Variants in AIPL1 observed in about 807,000 individuals in gnomAD.
AIPL1 encodes aryl-hydrocarbon-interacting protein-like 1.
AIPL1 carries 23 observed loss-of-function variants against 32.9 expected under a neutral mutation model. The ratio of observed to expected loss-of-function variants is 0.70; its 90% CI spans 0.50 to 0.99. The LOEUF is 0.99. Among genes scored for constraint, AIPL1 ranks in the 50% least tolerant of loss-of-function variants. AIPL1 has a pLI of 0.00. For missense variants in AIPL1, 485 were observed against 506.0 expected, an observed-to-expected ratio of 0.96 and a Z score of 0.40; for synonymous variants, 210 against 209.4, an observed-to-expected ratio of 1.00 and a Z score of -0.02.
In AIPL1 at chr17:6,425,580, C is replaced by T; in HGVS notation, c.1035G>A (p.Gln345=). The T allele has an allele frequency of 6.2e-7, 1 of 1,613,388 alleles. No homozygotes were observed. The highest frequency in any genetic ancestry group is 8.5e-7 in the Non-Finnish European group (1 of 1,179,784). The part of the protein sequence containing the change: ...PAEPPTEPPA[Q]SSTEPPAEPP... ...GCTCTGCAGGTGGCTCTGTGGATGA[C>T]TGTGCGGGTGGCTCTGTGGGTGGCT... The change falls in exon 6 of 6, where the codon CAG becomes CAA. Residue 345 remains glutamine, a synonymous_variant. Coordinates refer to ENST00000381129, the MANE Select transcript of AIPL1 (RefSeq NM_014336.5).
In AIPL1 at chr17:6,424,249, A is replaced by AC. The variant is rs1215535482; in HGVS notation, c.*1210dup. On this transcript the variant is annotated 3_prime_UTR_variant, in exon 6 of 6. Coordinates refer to ENST00000381129, the MANE Select transcript of AIPL1 (RefSeq NM_014336.5). ...TGGAAGCGGCTTTCCCTAAGGCATG[A>AC]CCCCCAGGGTGCCATGTCAGTTTAC... 1 of 152,040 alleles carries AC rather than the reference A, an allele frequency of 6.6e-6. No individual in the cohort carries two copies. The allele number at this position is 152,040 out of a possible 1,614,324, so 9.4% of individuals were successfully genotyped here.
intron 2 of AIPL1, among the ~76,000 whole-genome samples, chr17:6,431,075 C>A (rs559206506): frequency 6.6e-6 from 1 of 152,336 alleles, no homozygotes; most frequent in South Asian, 2.1e-4. Flanking sequence ...TTTCCCTTAA[C>A]TTGTCTGAGC....
rs1261950096 is a variant in AIPL1, at chr17:6,433,897, C to T, written c.276+22G>A. The T allele has an allele frequency of 3.1e-6, 5 of 1,611,440 alleles. No homozygotes were observed. The South Asian group carries it at 3.3e-5, about 11-fold the overall frequency. On this transcript the variant is annotated intron_variant, in intron 2 of 5. Coordinates refer to ENST00000381129, the MANE Select transcript of AIPL1 (RefSeq NM_014336.5). The stretch of plus-strand genomic sequence containing the variant: ...CCCAGAAAAGACTAGTCCCAGGAGA[C>T]AGGCGCGCAGGGCCTACTTACGATG...
At chr17:6,426,306 T>C (rs1911945853) in intron 5 of AIPL1, 3 of 1,361,774 alleles carry the variant, frequency 2.2e-6, no homozygotes, top group African/African-American at 1.5e-5. Flanking sequence ...ACCGACATCA[T>C]AATATTTTTC....
At chr17:6,430,112 G>C (rs1912441912) in intron 2 of AIPL1, among the ~76,000 whole-genome samples, 1 of 150,786 alleles carries the variant, frequency 6.6e-6, no homozygotes, top group African/African-American at 2.4e-5. Context: ...CACAATCACG[G>C]CAGCCATGGG....
intron 1 of AIPL1, 128 bp downstream of exon 1, chr17:6,434,881 C>T (rs957279918): frequency 1.3e-6 from 2 of 1,509,312 alleles, no homozygotes; most frequent in Non-Finnish European, 8.9e-7. Flanking sequence ...TCCCCGGAGG[C>T]CCAGCGCTGG....
At chr17:6,429,735 G>T (rs1404947355) in intron 2 of AIPL1, among the ~76,000 whole-genome samples, 1 of 152,170 alleles carries the variant, frequency 6.6e-6, no homozygotes, top group Non-Finnish European at 1.5e-5. Flanking sequence ...TAGGGGCTTT[G>T]CCTGTTTCAC....
chr17:6,426,638 C>G lies in AIPL1; in HGVS notation c.761G>C (p.Ser254Thr). The change falls in exon 5 of 6, where the codon AGT (serine) becomes ACT (threonine). Residue 254 changes from serine (S) to threonine (T), a missense_variant. Coordinates refer to ENST00000381129, the MANE Select transcript of AIPL1 (RefSeq NM_014336.5). Reference sequence around the variant, plus strand: ...ACCTGGGTGGTGCCGGAGAATATCACTGGTGTGCTCCAGCACCTCATAGTA... The same window carrying G: ...ACCTGGGTGGTGCCGGAGAATATCAGTGGTGTGCTCCAGCACCTCATAGTA... ...EEYYEVLEHT[S>T]DILRHHPGIV... 3 of 1,614,156 alleles carry G rather than the reference C, an allele frequency of 1.9e-6. No individual in the cohort carries two copies. Among genetic ancestry groups the G allele is most frequent in the Non-Finnish European group, 2.5e-6 (3 of 1,180,024 alleles).
At chr17:6,432,307 C>A (rs1912676511) in intron 2 of AIPL1, among the ~76,000 whole-genome samples, 1 of 150,924 alleles carries the variant, frequency 6.6e-6, no homozygotes, top group African/African-American at 2.4e-5. Context: ...CCCGGGAGGC[C>A]AAGGTTGCAG....
rs1432802507 is a variant in AIPL1 at position 6,434,031 on chromosome 17, A to G, written c.164T>C (p.Val55Ala). Residue 55 changes from valine to alanine, a missense_variant, in exon 2 of 6, where the codon GTG becomes GCG. Coordinates refer to ENST00000381129, the MANE Select transcript of AIPL1 (RefSeq NM_014336.5). Reference sequence around the variant, plus strand: ...GATGATGATGTGCATGGGCTGGCCCACCTGCCGACTGTCGTCAATGACTGT... The same window carrying G: ...GATGATGATGTGCATGGGCTGGCCCGCCTGCCGACTGTCGTCAATGACTGT... ...ERTVIDDSRQ[V>A]GQPMHIIIGN... 6.2e-7 allele frequency: 1 copy of G among 1,614,036 alleles called. No individual in the cohort carries two copies.
chr17:6,427,794 A>G (rs1912139481), intron 3 of AIPL1, among the ~76,000 whole-genome samples: 1 of 149,260 alleles, frequency 6.7e-6, no homozygotes, highest in Admixed American at 6.9e-5. Context: ...ATTTTTAAAA[A>G]CTGGTTCCAA....
intron 5 of AIPL1, 150 bp from the exon 6 acceptor site, chr17:6,425,980 G>T: frequency 8.7e-7 from 1 of 1,152,250 alleles, no homozygotes; most frequent in Non-Finnish European, 1.2e-6. Flanking sequence ...TTCCTCAACT[G>T]TAAGATGGAG....
In AIPL1 at chr17:6,426,733, C is replaced by A; in HGVS notation, c.666G>T (p.Trp222Cys). Residue 222 changes from tryptophan (W) to cysteine (C), a missense_variant, in exon 5 of 6, where the codon TGG (tryptophan) becomes TGT (cysteine). Transcript: ENST00000381129. ...TATTGATCATCTTCTCCAGCTTCAGCCACTGCACCTCCCATGGCTTCTCCT... is the reference window on the plus strand; with the variant it reads ...TATTGATCATCTTCTCCAGCTTCAGACACTGCACCTCCCATGGCTTCTCCT... ...QTKEKPWEVQ[W>C]LKLEKMINTL... is the part of the protein sequence containing the mutation. 1.2e-6 allele frequency: 2 copies of A among 1,614,012 alleles called. No homozygotes were observed. The highest frequency in any genetic ancestry group is 1.7e-6 in the Non-Finnish European group (2 of 1,179,954).
At position 6,434,356 on chromosome 17, in the gene AIPL1, C is replaced by CTT. The variant is rs71381392; in HGVS notation, c.97-260_97-259dup. On this transcript the variant is annotated intron_variant, in intron 1 of 5. Coordinates refer to ENST00000381129, the MANE Select transcript of AIPL1 (RefSeq NM_014336.5). ...ATCCTTCCTCAAGTAAGCCCGAGTTCTTTTTTTTTTTTTTTTTTCTGAGAC... is the reference window on the plus strand; with the variant it reads ...ATCCTTCCTCAAGTAAGCCCGAGTTCTTTTTTTTTTTTTTTTTTTTCTGAGAC... Among the ~76,000 whole-genome samples the CTT allele has an allele frequency of 0.18, 18,717 of 104,882 alleles. 2,412 individuals carry two copies. Among genetic ancestry groups the CTT allele is most frequent in the East Asian group, 0.3 (969 of 3,240 alleles). 68.8% of individuals were successfully genotyped at this position (104,882 alleles called of 152,430 possible). A position where few individuals can be genotyped will look rare whatever the true frequency, so the allele number is the denominator to read the frequency against.
rs552445309 is a variant in AIPL1, at chr17:6,434,992, G to A, written c.96+17C>T. ...TGCTGTGGGGGACCCTGTCTGCTCCGGAGGGGCCCCACTCACTCGGGATCC... is the reference window on the plus strand; with the variant it reads ...TGCTGTGGGGGACCCTGTCTGCTCCAGAGGGGCCCCACTCACTCGGGATCC... On this transcript the variant is annotated intron_variant, in intron 1 of 5. Transcript: ENST00000381129. 4.3e-6 allele frequency: 7 copies of A among 1,614,106 alleles called. No individual in the cohort carries two copies. Among genetic ancestry groups the A allele is most frequent in the East Asian group, 2.2e-5 (1 of 44,868 alleles).
At chr17:6,428,797 C>T (rs1415113369) in intron 2 of AIPL1, among the ~76,000 whole-genome samples, 2 of 152,262 alleles carry the variant, frequency 1.3e-5, no homozygotes, top group Non-Finnish European at 2.9e-5. Context: ...GGAAATGACG[C>T]AGCCAGGATT....
rs1250626572 is a variant in AIPL1, at chr17:6,425,420, C to G, written c.*40G>C. 6.4e-7 allele frequency: 1 copy of G among 1,554,232 alleles called. No homozygotes were observed. ...TCAATCGAACCAGAAGTGACCAGGC[C>G]ACTTGCTCCCTGCCTGGGTGGCTGT... On this transcript the variant is annotated 3_prime_UTR_variant, in exon 6 of 6. Coordinates refer to ENST00000381129, the MANE Select transcript of AIPL1 (RefSeq NM_014336.5).
intron 2 of AIPL1, among the ~76,000 whole-genome samples, 190 bp from the exon 3 acceptor site, chr17:6,428,696 C>A (rs1205020870): frequency 2.6e-5 from 4 of 152,232 alleles, no homozygotes; most frequent in African/African-American, 9.6e-5. Flanking sequence ...ATCCTTATGA[C>A]AATTCAAGGC....
chr17:6,430,472 A>C (rs1445610114), intron 2 of AIPL1, among the ~76,000 whole-genome samples: 3 of 151,152 alleles, frequency 2.0e-5, no homozygotes, highest in Non-Finnish European at 4.4e-5. Context: ...AAAAAAAAAA[A>C]AAAAAAAACA....
Sources: allele counts gnomAD v4.1 joint callset (sites outside exome capture counted in the v4.1 genomes callset), GRCh38; gene constraint gnomAD v4.1.1; transcripts MANE v1.5; gene names NCBI Gene and HGNC (gene_info 2026-07-23, HGNC 2026-07-21).